GAPVD1: variants seen among roughly 807,000 people sequenced by gnomAD.
GAPVD1 encodes GTPase-activating protein and VPS9 domain-containing protein 1.
In GAPVD1, 35 loss-of-function variants were observed where a neutral mutation model predicts 155.5. The observed-to-expected ratio is 0.23, with a 90% CI of 0.17 to 0.30. GAPVD1 has a LOEUF of 0.30. GAPVD1 is among the 10% of genes least tolerant of loss of function. GAPVD1 has a pLI of 1.00. For missense variants in GAPVD1, 1,429 were observed against 1,775.7 expected, an observed-to-expected ratio of 0.80 and a Z score of 3.51; for synonymous variants, 636 against 619.7, an observed-to-expected ratio of 1.03 and a Z score of -0.39.
At position 125,300,035 on chromosome 9, in the gene GAPVD1, A is replaced by T; in HGVS notation, c.185+929A>T. On this transcript the variant is annotated intron_variant, in intron 4 of 27. Coordinates refer to ENST00000297933, the MANE Select transcript of GAPVD1 (RefSeq NM_001282680.3). ...CTCTGTCTCAAAAGAAAAAAAAAAAAAAAATATATATATATATATATATAT... is the reference window on the plus strand; with the variant it reads ...CTCTGTCTCAAAAGAAAAAAAAAAATAAAATATATATATATATATATATAT... Among the ~76,000 whole-genome samples, 3 of 24,510 alleles carry T rather than the reference A, an allele frequency of 1.2e-4. 1 individual carries two copies. Among genetic ancestry groups the T allele is most frequent in the African/African-American group, 4.9e-4 (3 of 6,080 alleles). The allele number at this position is 24,510 out of a possible 152,430, so 16.1% of individuals were successfully genotyped here.
intron 23 of GAPVD1, among the ~76,000 whole-genome samples, chr9:125,353,511 TACC>T (rs1257500467): frequency 1.3e-5 from 2 of 152,198 alleles, no homozygotes; most frequent in Non-Finnish European, 2.9e-5. Context: ...TTTTTAGCAG[TACC>T]CCACTCTCGG....
intron 19 of GAPVD1, 28 bp downstream of exon 19, chr9:125,342,327 C>T (rs749873909): frequency 1.7e-6 from 2 of 1,203,782 alleles, no homozygotes; most frequent in South Asian, 2.4e-5. Flanking sequence ...CTTCCTGGCT[C>T]CTTCATTCCC....
At chr9:125,346,029 G>T (rs377049228) in intron 19 of GAPVD1, 7 of 152,324 alleles carry the variant, frequency 4.6e-5, no homozygotes, top group African/African-American at 1.7e-4. Context: ...ACTTTGTCCT[G>T]TAGATCTATA....
chr9:125,344,644 T>C (rs1848266668), intron 19 of GAPVD1, among the ~76,000 whole-genome samples: 1 of 152,104 alleles, frequency 6.6e-6, no homozygotes, highest in Admixed American at 6.6e-5. Context: ...TCAACAGCAC[T>C]GAAAAGTAAT....
chr9:125,327,259 A>G (rs1409600369), intron 12 of GAPVD1, among the ~76,000 whole-genome samples: 1 of 151,564 alleles, frequency 6.6e-6, no homozygotes, highest in Non-Finnish European at 1.5e-5. Context: ...TCCTTTTTGG[A>G]TACTGTTTTA....
At chr9:125,332,441 A>G in intron 14 of GAPVD1, 69 bp from the exon 15 acceptor site, 1 of 1,311,344 alleles carries the variant, frequency 7.6e-7, no homozygotes, top group Non-Finnish European at 1.1e-6. Flanking sequence ...GTTTCTCCAA[A>G]TTTCATATAC....
chr9:125,278,014 A>T (rs956341941), intron 2 of GAPVD1, among the ~76,000 whole-genome samples: 10 of 152,104 alleles, frequency 6.6e-5, no homozygotes, highest in Non-Finnish European at 1.3e-4. Flanking sequence ...TTAGTATATT[A>T]TTAATGCCTG....
intron 25 of GAPVD1, 57 bp from the exon 26 acceptor site, chr9:125,359,359 CTGTT>C (rs879136065): frequency 7.3e-5 from 66 of 906,152 alleles, no homozygotes; most frequent in South Asian, 7.1e-4. Context: ...TCAATGATGA[CTGTT>C]TGTGTACCAT....
chr9:125,325,309 T>G (rs1844963967), intron 11 of GAPVD1, among the ~76,000 whole-genome samples: 1 of 151,446 alleles, frequency 6.6e-6, no homozygotes, highest in Non-Finnish European at 1.5e-5. Flanking sequence ...GATCATGAGG[T>G]CAGGAGATCA....
At position 125,307,710 on chromosome 9, in the gene GAPVD1, T is replaced by C; in HGVS notation, c.1271T>C (p.Val424Ala). 1 of 1,613,850 alleles carries C rather than the reference T, an allele frequency of 6.2e-7. No individual in the cohort carries two copies. Among genetic ancestry groups the C allele is most frequent in the Non-Finnish European group, 8.5e-7 (1 of 1,179,748 alleles). Residue 424 changes from valine (V) to alanine (A), a missense_variant, in exon 8 of 28, where the codon GTG (valine) becomes GCG (alanine). Physicochemically the swap from Val to Ala is moderately conservative, Grantham distance 64. This residue lies in a region of GAPVD1 where 628 missense variants were observed against 733.4 expected (regional missense o/e 0.86). Transcript: ENST00000297933. Reference protein sequence around the residue: ...LITLVNFMKSVMSGDQLREDR... With the variant: ...LITLVNFMKSAMSGDQLREDR... ...TGCCAGGTGAATTTTATGAAGAGTG[T>C]GATGTCTGGAGATCAACTGAGAGAA...
At chr9:125,344,050 T>C (rs1437298381) in intron 19 of GAPVD1, among the ~76,000 whole-genome samples, 1 of 152,212 alleles carries the variant, frequency 6.6e-6, no homozygotes, top group African/African-American at 2.4e-5. Context: ...GTCTTTTTCA[T>C]AAAGTAATTT....
At chr9:125,275,050 T>C (rs1434002107) in intron 2 of GAPVD1, among the ~76,000 whole-genome samples, 1 of 152,128 alleles carries the variant, frequency 6.6e-6, no homozygotes, top group African/African-American at 2.4e-5. Flanking sequence ...TTGTTGTTGC[T>C]GTTTTTCGTT....
Position 125,350,668 on chromosome 9 carries a change from A to G in GAPVD1, c.3410-45A>G, listed in dbSNP as rs965354607. ...ATGCTGAATTAGCTTATTTAAGCACATGGAAATTCTCAAGAATAACAGAAT... is the reference window on the plus strand; with the variant it reads ...ATGCTGAATTAGCTTATTTAAGCACGTGGAAATTCTCAAGAATAACAGAAT... On this transcript the variant is annotated intron_variant, in intron 22 of 27. Transcript: ENST00000297933. The G allele has an allele frequency of 6.5e-6, 8 of 1,222,284 alleles. No individual in the cohort carries two copies. The African/African-American group carries it at 9.0e-5, about 14-fold the overall frequency. 75.7% of individuals were successfully genotyped at this position (1,222,284 alleles called of 1,614,324 possible).
intron 2 of GAPVD1, among the ~76,000 whole-genome samples, chr9:125,285,632 C>T (rs919271672): frequency 6.6e-6 from 1 of 151,192 alleles, no homozygotes; most frequent in African/African-American, 2.4e-5. Context: ...GCTAATTTTT[C>T]TATTTTTGGT....
intron 25 of GAPVD1, among the ~76,000 whole-genome samples, chr9:125,356,311 A>G (rs1441115213): frequency 6.6e-6 from 1 of 152,070 alleles, no homozygotes; most frequent in African/African-American, 2.4e-5. Context: ...CAGCCCTACT[A>G]ACATTTGGGG....
rs146365195 is a variant in GAPVD1, at chr9:125,279,881, C to T, written c.-150+10897C>T. ...GTTCAAGCGATTCTTCTGCCTCAGC[C>T]TCCTGAGTAGTTGGGATTACAGGTA... On this transcript the variant is annotated intron_variant, in intron 2 of 27. Transcript: ENST00000297933. Among the ~76,000 whole-genome samples, 248 of 151,112 alleles carry T rather than the reference C, an allele frequency of 1.6e-3. 1 individual carries two copies. The highest frequency in any genetic ancestry group is 5.6e-3 in the African/African-American group (231 of 41,314).
At chr9:125,309,592 C>G (rs1842361167) in intron 8 of GAPVD1, among the ~76,000 whole-genome samples, 1 of 152,202 alleles carries the variant, frequency 6.6e-6, no homozygotes, top group Non-Finnish European at 1.5e-5. Flanking sequence ...GCCTCGGCCT[C>G]CCAAAGGGCT....
chr9:125,325,549 C>G (rs971140490), intron 11 of GAPVD1, among the ~76,000 whole-genome samples: 7 of 151,032 alleles, frequency 4.6e-5, no homozygotes, highest in African/African-American at 1.7e-4. Context: ...AGATGATGCC[C>G]TCAACTAGGT....
chr9:125,309,602 T>C (rs888851360), intron 8 of GAPVD1, among the ~76,000 whole-genome samples: 1 of 152,200 alleles, frequency 6.6e-6, no homozygotes, highest in Admixed American at 6.5e-5. Flanking sequence ...CCCAAAGGGC[T>C]GGGATTACAG....
Sources: gnomAD v4.1 joint callset for allele counts (sites outside exome capture counted in the v4.1 genomes callset) on GRCh38, gnomAD v4.1.1 for gene constraint, gnomAD v4.1.1 regional missense constraint, MANE v1.5 for transcripts, NCBI Gene and HGNC (gene_info 2026-07-23, HGNC 2026-07-21) for gene names.